The following SEMA4D variants were observed in gnomAD, a reference collection of about 807,000 sequenced individuals.
SEMA4D encodes the protein semaphorin-4D.
A neutral mutation model predicts 74.8 loss-of-function variants in SEMA4D; 22 were observed. The observed-to-expected ratio is 0.29, with a 90% CI of 0.21 to 0.42. SEMA4D has a LOEUF of 0.42. SEMA4D is among the 10% of genes least tolerant of loss of function. The probability of loss-of-function intolerance (pLI) is 1.00; values close to 1 mark genes in which losing one functional copy is unlikely to be tolerated. For synonymous variants in SEMA4D, 445 were observed against 463.7 expected (o/e 0.96, Z 0.52); for missense variants, 937 against 1,118.4 (o/e 0.84, Z 2.31).
At chr9:89,434,980 C>G (rs1038821443) in intron 2 of SEMA4D, among the ~76,000 whole-genome samples, 15 of 147,154 alleles carry the variant, frequency 1.0e-4, no homozygotes, top group African/African-American at 3.6e-4. Flanking sequence ...TTAGGTGAAG[C>G]CTTTGAATGC....
Position 89,396,720 on chromosome 9 carries a change from G to A in SEMA4D, c.414+17C>T, listed in dbSNP as rs1310395546. 5.0e-6 allele frequency: 8 copies of A among 1,605,490 alleles called. No homozygotes were observed. The highest frequency in any genetic ancestry group is 6.0e-6 in the Non-Finnish European group (7 of 1,174,102). ...ACCAGGCTGGCGTGAGCACAGGGAGGTGCCCATCAGCCTTACCAGGTGGTC... is the reference window on the plus strand; with the variant it reads ...ACCAGGCTGGCGTGAGCACAGGGAGATGCCCATCAGCCTTACCAGGTGGTC... On this transcript the variant is annotated intron_variant, in intron 6 of 15. Transcript: ENST00000422704.
intron 1 of SEMA4D, among the ~76,000 whole-genome samples, chr9:89,496,081 G>C (rs572984617): frequency 1.2e-4 from 18 of 152,282 alleles, no homozygotes; most frequent in Non-Finnish European, 1.9e-4. Context: ...TCCACAAGTG[G>C]ATGATGTCAC....
chr9:89,479,331 A>C (rs1460552430), intron 1 of SEMA4D, among the ~76,000 whole-genome samples: 2 of 152,216 alleles, frequency 1.3e-5, no homozygotes, highest in African/African-American at 4.8e-5. Flanking sequence ...ATTGGCCACC[A>C]TGTTTTAAAA....
chr9:89,421,512 A>C (rs4132699), intron 2 of SEMA4D, among the ~76,000 whole-genome samples: 64,326 of 152,016 alleles, frequency 0.42, 13,940 homozygotes, highest in Middle Eastern at 0.54. Context: ...GATATACCCC[A>C]TGTGTGCAAT....
At chr9:89,414,720 T>C (rs1391637325) in intron 2 of SEMA4D, among the ~76,000 whole-genome samples, 1 of 152,210 alleles carries the variant, frequency 6.6e-6, no homozygotes, top group African/African-American at 2.4e-5. Flanking sequence ...AGAATTAAAA[T>C]GGATCCCTGG....
rs1843843442 is a variant in SEMA4D at position 89,408,719 on chromosome 9, G to A, written c.-243-3020C>T. Among the ~76,000 whole-genome samples the A allele has an allele frequency of 2.6e-5, 4 of 152,212 alleles. No individual in the cohort carries two copies. In the South Asian group the frequency reaches 8.3e-4, roughly 31 times the overall value. ...AGGCAGGGCCTTGGAAAGGGTTCTT[G>A]TCATGCATGCAGCAAGGACACCAGT... On this transcript the variant is annotated intron_variant, in intron 2 of 15. Transcript: ENST00000422704.
At chr9:89,384,611 A>G (rs1837995586) in intron 13 of SEMA4D, 5 of 959,070 alleles carry the variant, frequency 5.2e-6, no homozygotes, top group Non-Finnish European at 6.2e-6. Flanking sequence ...TGACGTGCAC[A>G]ATGAAAAATG....
In SEMA4D at chr9:89,397,236, C is replaced by T. The variant is rs929162844; in HGVS notation, c.316-401G>A. On this transcript the variant is annotated intron_variant, in intron 5 of 15. Transcript: ENST00000422704. ...GAAAAAAAACTCAATGAATGCTTAC[C>T]TCAAATCTTACTGGGACACCCACTG... Among the ~76,000 whole-genome samples the T allele has an allele frequency of 6.6e-5, 10 of 152,316 alleles. No individual in the cohort carries two copies. The East Asian group carries it at 1.7e-3, about 26-fold the overall frequency.
intron 2 of SEMA4D, among the ~76,000 whole-genome samples, chr9:89,423,102 C>A (rs1266177150): frequency 6.6e-6 from 1 of 152,038 alleles, no homozygotes; most frequent in African/African-American, 2.4e-5. Flanking sequence ...TGACTCTCTT[C>A]TAAAACTTTC....
At chr9:89,408,700 G>A (rs998737873) in intron 2 of SEMA4D, among the ~76,000 whole-genome samples, 5 of 152,144 alleles carry the variant, frequency 3.3e-5, no homozygotes. Flanking sequence ...CGGCAGGCAG[G>A]GCCTTGGAAA....
chr9:89,415,251 C>T (rs1845471070), intron 2 of SEMA4D, among the ~76,000 whole-genome samples: 1 of 152,182 alleles, frequency 6.6e-6, no homozygotes, highest in Non-Finnish European at 1.5e-5. Context: ...TAATCATCTT[C>T]CACTGGCCTA....
At chr9:89,391,841 G>A (rs908763604) in intron 8 of SEMA4D, among the ~76,000 whole-genome samples, 1 of 152,246 alleles carries the variant, frequency 6.6e-6, no homozygotes, top group African/African-American at 2.4e-5. Context: ...CCTGAGGAAT[G>A]GCCGACTGTC....
downstream of SEMA4D, chr9:89,377,010 G>C (rs1321719635): frequency 6.5e-7 from 1 of 1,544,158 alleles, no homozygotes; most frequent in Non-Finnish European, 8.8e-7. Flanking sequence ...AGACAGGACA[G>C]GGAAGAGGAG....
At chr9:89,382,193 G>A (rs1358996389) in intron 13 of SEMA4D, among the ~76,000 whole-genome samples, 1 of 152,232 alleles carries the variant, frequency 6.6e-6, no homozygotes, top group African/African-American at 2.4e-5. Context: ...GCTGGAAGGA[G>A]GGTGCCCCAC....
At chr9:89,457,244 G>A (rs78446408) in intron 1 of SEMA4D, among the ~76,000 whole-genome samples, 96 of 152,196 alleles carry the variant, frequency 6.3e-4, no homozygotes, top group Non-Finnish European at 1.1e-3. Context: ...CGCCTGACAG[G>A]TGGGGAGCAG....
chr9:89,371,208 GGT>G (rs1397325234), intron 16 of SEMA4D, among the ~76,000 whole-genome samples: 2 of 126,392 alleles, frequency 1.6e-5, no homozygotes, highest in African/African-American at 6.0e-5. Flanking sequence ...TCTGGGGTGT[GGT>G]GTGTGGGGTG....
At chr9:89,376,641 C>T (rs1398103826), downstream of SEMA4D, 2 of 788,366 alleles carry the variant, frequency 2.5e-6, no homozygotes, top group Admixed American at 3.1e-5. Flanking sequence ...AGTGGCTTCA[C>T]ACTGTCTACA....
At chr9:89,417,734 A>C (rs905930070) in intron 2 of SEMA4D, among the ~76,000 whole-genome samples, 3 of 152,224 alleles carry the variant, frequency 2.0e-5, no homozygotes, top group Non-Finnish European at 4.4e-5. Flanking sequence ...TTTCTGGTGC[A>C]GGCACCAGGG....
intron 15 of SEMA4D, among the ~76,000 whole-genome samples, chr9:89,380,154 TCCAGAGTA>T (rs1438452666): frequency 1.3e-5 from 2 of 151,610 alleles, no homozygotes; most frequent in African/African-American, 4.9e-5. Flanking sequence ...CACCTCAGTC[TCCAGAGTA>T]GCTGGGACTA....
Sources: gnomAD v4.1 joint callset for allele counts (sites outside exome capture counted in the v4.1 genomes callset) on GRCh38, gnomAD v4.1.1 for gene constraint, MANE v1.5 for transcripts, NCBI Gene and HGNC (gene_info 2026-07-23, HGNC 2026-07-21) for gene names.